The following GRID2 variants were observed in gnomAD, a reference collection of about 807,000 sequenced individuals.
The protein encoded by GRID2 is glutamate ionotropic receptor delta type subunit 2, also known as glutamate receptor ionotropic, delta-2.
A neutral mutation model predicts 114.8 loss-of-function variants in GRID2; 33 were observed. The ratio of observed to expected loss-of-function variants is 0.29; its 90% confidence interval spans 0.22 to 0.38. The LOEUF is 0.38. Among genes scored for constraint, GRID2 ranks in the 10% least tolerant of loss-of-function variants. The probability of loss-of-function intolerance (pLI) is 1.00; values close to 1 mark genes in which losing one functional copy is unlikely to be tolerated. For synonymous variants in GRID2, 505 were observed against 449.9 expected, an observed-to-expected ratio of 1.12 and a Z score of -1.55; for missense variants, 1,184 against 1,257.7, an observed-to-expected ratio of 0.94 and a Z score of 0.89.
chr4:93,079,088 GC>G (rs1296757943), intron 2 of GRID2, among the ~76,000 whole-genome samples: 1 of 151,348 alleles, frequency 6.6e-6, no homozygotes, highest in Non-Finnish European at 1.5e-5. Context: ...ATTTAGCCAT[GC>G]TGATCAAATG....
chr4:92,660,172 A>G (rs1732451660), intron 2 of GRID2, among the ~76,000 whole-genome samples: 1 of 151,356 alleles, frequency 6.6e-6, no homozygotes, highest in South Asian at 2.1e-4. Flanking sequence ...ATGCAAGTAT[A>G]TGTGGAAGAG....
intron 13 of GRID2, among the ~76,000 whole-genome samples, chr4:93,603,512 G>A (rs1012795224): frequency 5.9e-5 from 9 of 152,316 alleles, no homozygotes; most frequent in African/African-American, 9.6e-5. Context: ...CAGACACTGC[G>A]GCAGGTGATC....
chr4:93,355,046 A>G (rs1302872211), intron 8 of GRID2, among the ~76,000 whole-genome samples: 1 of 151,644 alleles, frequency 6.6e-6, no homozygotes, highest in South Asian at 2.1e-4. Flanking sequence ...ATCAACATGT[A>G]AAAACCTCAA....
intron 8 of GRID2, among the ~76,000 whole-genome samples, chr4:93,296,417 G>T (rs1342601698): frequency 6.6e-6 from 1 of 151,886 alleles, no homozygotes; most frequent in Non-Finnish European, 1.5e-5. Flanking sequence ...GTATCTCTAG[G>T]TGGCTATCTT....
intron 1 of GRID2, among the ~76,000 whole-genome samples, chr4:92,386,470 A>T (rs1729965427): frequency 6.6e-6 from 1 of 151,856 alleles, no homozygotes; most frequent in Non-Finnish European, 1.5e-5. Flanking sequence ...GTAATGACAA[A>T]GACATATTAT....
chr4:92,919,929 G>T (rs1749163864), intron 2 of GRID2, among the ~76,000 whole-genome samples: 1 of 152,126 alleles, frequency 6.6e-6, no homozygotes, highest in Non-Finnish European at 1.5e-5. Context: ...TCATTGATCT[G>T]TCTAATGTTG....
intron 14 of GRID2, among the ~76,000 whole-genome samples, chr4:93,719,287 A>G (rs1440782242): frequency 6.6e-6 from 1 of 152,138 alleles, no homozygotes; most frequent in Admixed American, 6.5e-5. Context: ...AAACAGAAGA[A>G]TCTGATACAA....
intron 2 of GRID2, among the ~76,000 whole-genome samples, chr4:92,711,132 T>C (rs879912690): frequency 6.6e-6 from 1 of 152,168 alleles, no homozygotes; most frequent in Non-Finnish European, 1.5e-5. Flanking sequence ...TTTTAAAAAA[T>C]GCTATTTGGG....
At chr4:93,303,655 G>A (rs539837165) in intron 8 of GRID2, among the ~76,000 whole-genome samples, 27 of 152,290 alleles carry the variant, frequency 1.8e-4, no homozygotes, top group African/African-American at 5.8e-4. Context: ...CATGTTTCCT[G>A]TCAGGGTATC....
intron 4 of GRID2, among the ~76,000 whole-genome samples, chr4:93,173,591 T>C (rs1422408511): frequency 6.6e-6 from 1 of 152,196 alleles, no homozygotes; most frequent in Non-Finnish European, 1.5e-5. Flanking sequence ...AACCAACTTA[T>C]TATCATAACT....
intron 2 of GRID2, among the ~76,000 whole-genome samples, chr4:92,852,166 G>C (rs1237186860): frequency 6.6e-6 from 1 of 151,876 alleles, no homozygotes; most frequent in African/African-American, 2.4e-5. Context: ...ATGTGGAGGG[G>C]GGTGTATTTG....
intron 14 of GRID2, among the ~76,000 whole-genome samples, chr4:93,731,471 C>G (rs1730478432): frequency 6.6e-6 from 1 of 152,198 alleles, no homozygotes; most frequent in Non-Finnish European, 1.5e-5. Context: ...TGAGACTGTA[C>G]AGCTGTCATC....
chr4:93,224,099 T>C (rs1458619915), intron 6 of GRID2, among the ~76,000 whole-genome samples: 2 of 152,182 alleles, frequency 1.3e-5, no homozygotes, highest in East Asian at 3.9e-4. Context: ...CTTTCATTAT[T>C]TCATTTAAGA....
intron 13 of GRID2, among the ~76,000 whole-genome samples, chr4:93,557,786 T>TCAC (rs1734464445): frequency 6.6e-6 from 1 of 152,198 alleles, no homozygotes; most frequent in Admixed American, 6.5e-5. Context: ...AGAACATACA[T>TCAC]TCTTCCCAGC....
chr4:93,319,021 A>G (rs1459015341), intron 8 of GRID2: 2 of 152,154 alleles, frequency 1.3e-5, no homozygotes, highest in African/African-American at 4.8e-5. Context: ...TAAATACTCC[A>G]ATCGTAATAG....
chr4:92,334,675 G>A (rs796805069), intron 1 of GRID2, among the ~76,000 whole-genome samples: 20 of 152,052 alleles, frequency 1.3e-4, no homozygotes, highest in African/African-American at 4.6e-4. Context: ...CTCTCGTGAT[G>A]TAATCAGCTC....
intron 2 of GRID2, among the ~76,000 whole-genome samples, chr4:92,807,586 A>T (rs538038918): frequency 1.3e-5 from 2 of 152,134 alleles, no homozygotes; most frequent in South Asian, 2.1e-4. Context: ...ATACAAAAGC[A>T]CTACCAAAAG....
chr4:93,578,585 G>GTT (rs1736642083), intron 13 of GRID2, among the ~76,000 whole-genome samples: 4 of 115,252 alleles, frequency 3.5e-5, no homozygotes, highest in African/African-American at 7.6e-5. Context: ...CTTGTTTTTT[G>GTT]TATTTTTTTT....
intron 2 of GRID2, among the ~76,000 whole-genome samples, chr4:92,958,528 C>T (rs1485598132): frequency 6.6e-6 from 1 of 152,052 alleles, no homozygotes; most frequent in Non-Finnish European, 1.5e-5. Context: ...CCCACTTGGT[C>T]ATGGCATACA....
Sources: allele counts gnomAD v4.1 joint callset (sites outside exome capture counted in the v4.1 genomes callset), GRCh38; gene constraint gnomAD v4.1.1; transcripts MANE v1.5; gene names NCBI Gene and HGNC (gene_info 2026-07-23, HGNC 2026-07-21).